DNAJB4: variants seen among roughly 807,000 people sequenced by gnomAD.
DNAJB4 encodes dnaJ homolog subfamily B member 4.
Under a neutral mutation model 26.6 loss-of-function variants are expected in DNAJB4, and 10 were observed. The observed-to-expected ratio is 0.38, with a 90% CI of 0.23 to 0.64. The LOEUF is 0.64. DNAJB4 is among the 30% of genes least tolerant of loss of function. The pLI is 0.58. For missense variants in DNAJB4, 328 were observed against 408.2 expected (o/e 0.80, Z 1.69); for synonymous variants, 136 against 134.8 (o/e 1.01, Z -0.06).
At chr1:77,994,738 A>G (rs1660021376) in intron 1 of DNAJB4, among the ~76,000 whole-genome samples, 1 of 152,228 alleles carries the variant, frequency 6.6e-6, no homozygotes, top group South Asian at 2.1e-4. Flanking sequence ...TGCTTTTACA[A>G]TTAAACATTG....
intron 1 of DNAJB4, among the ~76,000 whole-genome samples, chr1:78,007,529 C>A (rs796892462): frequency 6.6e-6 from 1 of 151,748 alleles, no homozygotes; most frequent in Admixed American, 6.6e-5. Flanking sequence ...TGCAGTGAGC[C>A]GAGATCGAGC....
intron 1 of DNAJB4, among the ~76,000 whole-genome samples, chr1:77,995,629 T>C (rs72933892): frequency 0.033 from 5,023 of 152,262 alleles, 298 homozygotes; most frequent in African/African-American, 0.11. Context: ...ATCTGTTTTA[T>C]TTTTTGTAGA....
chr1:77,982,749 G>A (rs1183701783), intron 1 of DNAJB4, among the ~76,000 whole-genome samples: 1 of 152,226 alleles, frequency 6.6e-6, no homozygotes, highest in African/African-American at 2.4e-5. Flanking sequence ...AGTGAGCTGA[G>A]ATCGCACCAC....
chr1:77,986,412 CTT>C (rs956863746), intron 1 of DNAJB4, among the ~76,000 whole-genome samples: 1 of 152,178 alleles, frequency 6.6e-6, no homozygotes, highest in Admixed American at 6.5e-5. Context: ...AAGATGACCT[CTT>C]GTCAGTTTGT....
chr1:78,012,416 C>G (rs1660511648), intron 1 of DNAJB4, among the ~76,000 whole-genome samples: 1 of 151,476 alleles, frequency 6.6e-6, no homozygotes, highest in South Asian at 2.1e-4. Flanking sequence ...CTTGCCTCGG[C>G]CTCCCAAAGT....
At chr1:77,989,016 AT>A (rs1659868847) in intron 1 of DNAJB4, among the ~76,000 whole-genome samples, 1 of 152,170 alleles carries the variant, frequency 6.6e-6, no homozygotes, top group African/African-American at 2.4e-5. Context: ...CATAATTGAC[AT>A]ACTGAACTAC....
intron 2 of DNAJB4, among the ~76,000 whole-genome samples, chr1:78,015,297 T>C (rs1660604286): frequency 6.6e-6 from 1 of 152,198 alleles, no homozygotes; most frequent in African/African-American, 2.4e-5. Context: ...TAGTTGCTCC[T>C]ATCCAGTTCT....
Position 78,016,352 on chromosome 1 carries a change from T to C in DNAJB4, c.*105T>C. The C allele has an allele frequency of 6.2e-6, 6 of 974,958 alleles. No individual in the cohort carries two copies. The highest frequency in any genetic ancestry group is 9.0e-6 in the Non-Finnish European group (6 of 667,442). The allele number at this position is 974,958 out of a possible 1,614,324, so 60.4% of individuals were successfully genotyped here. A position where few individuals can be genotyped will look rare whatever the true frequency, so the allele number is the denominator to read the frequency against. On this transcript the variant is annotated 3_prime_UTR_variant, in exon 3 of 3. Transcript: ENST00000370763. The stretch of plus-strand genomic sequence containing the variant: ...ATTCTGTATAAAGATGTGTAAATTC[T>C]TTTGAGGGTTCATTAAATTGCATGA...
At chr1:77,981,528 G>A (rs1257236189) in intron 1 of DNAJB4, among the ~76,000 whole-genome samples, 1 of 152,076 alleles carries the variant, frequency 6.6e-6, no homozygotes, top group Non-Finnish European at 1.5e-5. Context: ...TGGCCAGGCT[G>A]GTCTCGAACT....
At chr1:77,988,161 A>G (rs1659845384) in intron 1 of DNAJB4, among the ~76,000 whole-genome samples, 2 of 151,378 alleles carry the variant, frequency 1.3e-5, no homozygotes, top group South Asian at 4.2e-4. Context: ...AGCTAGGGTT[A>G]CAGGCATGTG....
chr1:77,985,953 C>T (rs923660033), intron 1 of DNAJB4, among the ~76,000 whole-genome samples: 2 of 152,120 alleles, frequency 1.3e-5, no homozygotes, highest in African/African-American at 4.8e-5. Context: ...CTATTGTTTT[C>T]AGACAATTAT....
intron 1 of DNAJB4, among the ~76,000 whole-genome samples, chr1:77,989,298 C>A (rs917075185): frequency 6.6e-6 from 1 of 152,112 alleles, no homozygotes. Context: ...GCAATTATTT[C>A]TTTTATTATA....
At chr1:78,004,141 C>A (rs1256827001), upstream of DNAJB4, among the ~76,000 whole-genome samples, 1 of 152,160 alleles carries the variant, frequency 6.6e-6, no homozygotes, top group African/African-American at 2.4e-5. Flanking sequence ...AGCTTTCCTG[C>A]AGCACCACAG....
chr1:78,002,258 A>G (rs72933899), upstream of DNAJB4, among the ~76,000 whole-genome samples: 1,740 of 152,152 alleles, frequency 0.011, 18 homozygotes, highest in Middle Eastern at 0.031. Flanking sequence ...TTTTGTCATA[A>G]TTATTTGCAG....
intron 1 of DNAJB4, among the ~76,000 whole-genome samples, chr1:77,980,904 C>G (rs1330525293): frequency 6.6e-6 from 1 of 152,092 alleles, no homozygotes; most frequent in Non-Finnish European, 1.5e-5. Context: ...AAAATCAGTG[C>G]ACGTATGGGA....
intron 1 of DNAJB4, among the ~76,000 whole-genome samples, chr1:77,986,403 A>G (rs1318200797): frequency 1.3e-5 from 2 of 152,202 alleles, no homozygotes; most frequent in Non-Finnish European, 2.9e-5. Context: ...ATTCTCCTCA[A>G]GATGACCTCT....
intron 1 of DNAJB4, among the ~76,000 whole-genome samples, chr1:78,010,683 ATGG>A (rs1660444303): frequency 6.6e-6 from 1 of 152,194 alleles, no homozygotes; most frequent in Non-Finnish European, 1.5e-5. Context: ...ATACCTTTTA[ATGG>A]AAGAAGCCAA....
chr1:77,989,950 C>T (rs1024370431), intron 1 of DNAJB4, among the ~76,000 whole-genome samples: 2 of 152,182 alleles, frequency 1.3e-5, no homozygotes, highest in Admixed American at 1.3e-4. Context: ...GGAAAATCCC[C>T]AGAACATCTC....
upstream of DNAJB4, among the ~76,000 whole-genome samples, chr1:78,003,833 A>G (rs915864101): frequency 1.3e-5 from 2 of 152,218 alleles, no homozygotes; most frequent in African/African-American, 4.8e-5. Flanking sequence ...TTATAAAACT[A>G]CAGCAAATAA....
Sources: allele counts gnomAD v4.1 joint callset (sites outside exome capture counted in the v4.1 genomes callset), GRCh38; gene constraint gnomAD v4.1.1; transcripts MANE v1.5; gene names NCBI Gene and HGNC (gene_info 2026-07-23, HGNC 2026-07-21).